Variants in BBS7 observed in about 807,000 individuals in gnomAD.
BBS7 encodes BBSome complex member BBS7.
BBS7 carries 50 observed loss-of-function variants against 90.3 expected under a neutral mutation model. That is an observed-to-expected ratio of 0.55 (90% CI 0.44 to 0.70). The LOEUF (loss-of-function observed/expected upper bound fraction) is 0.70. Among genes scored for constraint, BBS7 ranks in the 30% least tolerant of loss-of-function variants. The pLI is 0.00. For missense variants in BBS7, 729 were observed against 838.9 expected (o/e 0.87, Z 1.62); for synonymous variants, 235 against 287.4 (o/e 0.82, Z 1.85).
At chr4:121,859,553 AATC>A (rs542270398) in intron 4 of BBS7, among the ~76,000 whole-genome samples, 271 of 152,256 alleles carry the variant, frequency 1.8e-3, no homozygotes, top group Non-Finnish European at 3.1e-3. Flanking sequence ...TAGATCAATT[AATC>A]ATCATAACTC....
At chr4:121,847,830 A>C (rs62322625) in intron 9 of BBS7, among the ~76,000 whole-genome samples, 5,048 of 152,244 alleles carry the variant, frequency 0.033, 123 homozygotes, top group Non-Finnish European at 0.055. Context: ...AAAATAGCTG[A>C]AAAATAAGAA....
chr4:121,866,529 T>G (rs571711679), intron 2 of BBS7, among the ~76,000 whole-genome samples: 9 of 152,272 alleles, frequency 5.9e-5, no homozygotes, highest in Non-Finnish European at 1.2e-4. Context: ...CCTCCCAAAC[T>G]GCAGGGATTA....
intron 2 of BBS7, 77 bp downstream of exon 2, chr4:121,867,904 A>T: frequency 8.1e-7 from 1 of 1,237,558 alleles, no homozygotes; most frequent in Non-Finnish European, 1.2e-6. Context: ...AGAATAACTT[A>T]ATAATAAAGA....
chr4:121,841,352 T>A (rs192064513), intron 12 of BBS7, among the ~76,000 whole-genome samples: 83 of 151,074 alleles, frequency 5.5e-4, no homozygotes, highest in Non-Finnish European at 9.9e-4. Flanking sequence ...AAGCTAGGAG[T>A]TCAAGACCAG....
intron 1 of BBS7, among the ~76,000 whole-genome samples, chr4:121,868,794 A>C (rs1341305660): frequency 6.6e-6 from 1 of 152,066 alleles, no homozygotes; most frequent in Non-Finnish European, 1.5e-5. Context: ...TTTACAAAAA[A>C]ATACAGAGGA....
Position 121,828,465 on chromosome 4 carries a change from G to C in BBS7, c.1827C>G (p.Ile609Met). The change falls in exon 17 of 19, where the codon ATC becomes ATG. Residue 609 changes from isoleucine (I) to methionine (M), a missense_variant. Transcript: ENST00000264499. ...EVSVKHTLKL[I>M]HPKLEYQLLL... ...GCAACTGGTACTCCAGCTTTGGGTGGATTAGCTTTAAAGTGTGTTTGACTG... is the reference window on the plus strand; with the variant it reads ...GCAACTGGTACTCCAGCTTTGGGTGCATTAGCTTTAAAGTGTGTTTGACTG... The C allele has an allele frequency of 6.2e-7, 1 of 1,613,914 alleles. No individual in the cohort carries two copies. The highest frequency in any genetic ancestry group is 2.2e-5 in the East Asian group (1 of 44,818).
At chr4:121,864,004 C>T (rs1727126835) in intron 2 of BBS7, among the ~76,000 whole-genome samples, 1 of 152,194 alleles carries the variant, frequency 6.6e-6, no homozygotes, top group Non-Finnish European at 1.5e-5. Flanking sequence ...ACAGACTGAG[C>T]TCCGCCTCCC....
chr4:121,855,390 C>G (rs950563542), intron 6 of BBS7, 99 bp downstream of exon 6: 2 of 1,117,306 alleles, frequency 1.8e-6, no homozygotes, highest in Non-Finnish European at 2.7e-6. Context: ...ACCAGAAAGA[C>G]AACTGTCTCA....
At chr4:121,840,728 A>G (rs1326282968) in intron 12 of BBS7, among the ~76,000 whole-genome samples, 1 of 152,236 alleles carries the variant, frequency 6.6e-6, no homozygotes, top group Non-Finnish European at 1.5e-5. Flanking sequence ...TTTTTATTAA[A>G]TAATCAAAGA....
chr4:121,839,978 T>A (rs1340961971), intron 12 of BBS7, among the ~76,000 whole-genome samples: 1 of 152,248 alleles, frequency 6.6e-6, no homozygotes, highest in Non-Finnish European at 1.5e-5. Context: ...GCTCTTTCCA[T>A]CTTGAGTTTT....
intron 3 of BBS7, 105 bp downstream of exon 3, chr4:121,863,112 T>A: frequency 1.8e-6 from 2 of 1,092,414 alleles, no homozygotes; most frequent in Non-Finnish European, 2.8e-6. Flanking sequence ...TCAGAACCCA[T>A]TTTCCATTAC....
chr4:121,845,135 G>A lies in BBS7; in HGVS notation c.1230+369C>T, dbSNP rs552499553. ...TGCAATCCCAGCACTTTGTGAGGCC[G>A]AGGCGGGTGGATCACCAGAGGTCAG... is the stretch of plus-strand genomic sequence containing the variant. On this transcript the variant is annotated intron_variant, in intron 11 of 18. Transcript: ENST00000264499. Among the ~76,000 whole-genome samples, 11 of 152,228 alleles carry A rather than the reference G, an allele frequency of 7.2e-5. No homozygotes were observed. In the South Asian group the frequency reaches 2.1e-3, roughly 29 times the overall value.
chr4:121,825,848 C>CT lies in BBS7; in HGVS notation c.*11dup, dbSNP rs1478872056. The CT allele has an allele frequency of 6.8e-6, 11 of 1,611,932 alleles. No individual in the cohort carries two copies. Among genetic ancestry groups the CT allele is most frequent in the African/African-American group, 1.3e-5 (1 of 74,836 alleles). ...ACAGACCACTTCTTTGGGACTTTACCTTATTTGTATGTCATGCTGCATCGA... is the reference window on the plus strand; with the variant it reads ...ACAGACCACTTCTTTGGGACTTTACCTTTATTTGTATGTCATGCTGCATCGA... On this transcript the variant is annotated 3_prime_UTR_variant, in exon 19 of 19. Transcript: ENST00000264499.
intron 12 of BBS7, among the ~76,000 whole-genome samples, chr4:121,840,758 T>C (rs894544334): frequency 1.3e-5 from 2 of 151,976 alleles, no homozygotes; most frequent in African/African-American, 4.8e-5. Flanking sequence ...GATGGTAATA[T>C]AAAATATAAA....
chr4:121,865,607 T>C (rs1210669347), intron 2 of BBS7, among the ~76,000 whole-genome samples: 2 of 152,200 alleles, frequency 1.3e-5, no homozygotes, highest in Non-Finnish European at 2.9e-5. Context: ...TTTTATACAT[T>C]CATCTGTTGT....
At chr4:121,838,598 A>T (rs115805047) in intron 13 of BBS7, among the ~76,000 whole-genome samples, 132 of 152,296 alleles carry the variant, frequency 8.7e-4, no homozygotes, top group African/African-American at 3.1e-3. Context: ...ATATCACTGG[A>T]ATGCAATCAG....
intron 4 of BBS7, chr4:121,861,274 G>T (rs1432843142): frequency 2.7e-6 from 1 of 368,296 alleles, no homozygotes; most frequent in Non-Finnish European, 4.8e-6. Context: ...GAATCAAACT[G>T]AACCAAGTTG....
chr4:121,830,288 C>T (rs1049993568), intron 15 of BBS7, among the ~76,000 whole-genome samples: 3 of 152,170 alleles, frequency 2.0e-5, no homozygotes, highest in African/African-American at 7.2e-5. Flanking sequence ...AAAATTCCAG[C>T]TACTCAGGAG....
In BBS7 at chr4:121,870,472, A is replaced by G; in HGVS notation, c.-159T>C. 1.4e-6 allele frequency: 1 copy of G among 739,536 alleles called. No homozygotes were observed. Among genetic ancestry groups the G allele is most frequent in the South Asian group, 1.6e-5 (1 of 61,916 alleles). 45.8% of individuals were successfully genotyped at this position (739,536 alleles called of 1,614,324 possible). A position where few individuals can be genotyped will look rare whatever the true frequency, so the allele number is the denominator to read the frequency against. ...TCCTGGGCTGCACAGGCGGGGCGAC[A>G]GGGCAGTGGCGTCCTGCGTGACGTC... On this transcript the variant is annotated 5_prime_UTR_variant, in exon 1 of 19. Coordinates refer to ENST00000264499, the MANE Select transcript of BBS7 (RefSeq NM_176824.3).
Sources: allele counts gnomAD v4.1 joint callset (sites outside exome capture counted in the v4.1 genomes callset), GRCh38; gene constraint gnomAD v4.1.1; transcripts MANE v1.5; gene names NCBI Gene and HGNC (gene_info 2026-07-23, HGNC 2026-07-21).